Variants in MAPKAP1 observed in about 807,000 individuals in gnomAD.
The protein encoded by MAPKAP1 is MAPK associated protein 1, also known as target of rapamycin complex 2 subunit MAPKAP1.
In MAPKAP1, 20 loss-of-function variants were observed where a neutral mutation model predicts 65.7. That is an observed-to-expected ratio of 0.30 (90% confidence interval 0.21 to 0.44). MAPKAP1 has a LOEUF of 0.44. MAPKAP1 is among the 20% of genes least tolerant of loss of function. The pLI, the probability that MAPKAP1 is intolerant of heterozygous loss-of-function variation, is 1.00. For synonymous variants in MAPKAP1, 222 were observed against 244.3 expected, an observed-to-expected ratio of 0.91 and a Z score of 0.85; for missense variants, 423 against 648.0, an observed-to-expected ratio of 0.65 and a Z score of 3.77.
At chr9:125,503,842 G>T (rs913527323) in intron 8 of MAPKAP1, among the ~76,000 whole-genome samples, 1 of 143,042 alleles carries the variant, frequency 7.0e-6, no homozygotes, top group Non-Finnish European at 1.5e-5. Flanking sequence ...TCAGCCTCCC[G>T]AGTAGCTGGG....
intron 5 of MAPKAP1, among the ~76,000 whole-genome samples, chr9:125,584,501 C>T (rs1283048830): frequency 6.6e-6 from 1 of 152,228 alleles, no homozygotes; most frequent in Non-Finnish European, 1.5e-5. Context: ...TGCAGTGGCG[C>T]GATCTCGGTT....
chr9:125,698,305 ATATATATATATAT>A (rs1835478599), intron 1 of MAPKAP1, among the ~76,000 whole-genome samples: 2 of 30,180 alleles, frequency 6.6e-5, no homozygotes, highest in African/African-American at 1.3e-4. Context: ...ATATATATAT[ATATATATATATAT>A]ATATATATAT....
At chr9:125,611,368 T>C (rs545950089) in intron 4 of MAPKAP1, among the ~76,000 whole-genome samples, 6 of 151,936 alleles carry the variant, frequency 3.9e-5, no homozygotes, top group African/African-American at 1.2e-4. Context: ...GTTGAAGAAA[T>C]TACCTAGAAT....
chr9:125,513,894 C>T (rs145455051), intron 7 of MAPKAP1, among the ~76,000 whole-genome samples: 57 of 152,270 alleles, frequency 3.7e-4, no homozygotes, highest in Non-Finnish European at 5.6e-4. Context: ...AAGCTGCAGA[C>T]GGCATTTAAG....
chr9:125,588,509 A>C (rs183978701), intron 4 of MAPKAP1, among the ~76,000 whole-genome samples: 33 of 152,344 alleles, frequency 2.2e-4, no homozygotes, highest in Non-Finnish European at 3.4e-4. Flanking sequence ...ACAGAACCGT[A>C]CACTTTAAAA....
chr9:125,691,548 G>A (rs1481863777), intron 1 of MAPKAP1, among the ~76,000 whole-genome samples: 1 of 152,164 alleles, frequency 6.6e-6, no homozygotes, highest in Non-Finnish European at 1.5e-5. Flanking sequence ...ACATCAACAT[G>A]TAAGTGACAG....
chr9:125,521,724 G>C (rs1200048705), intron 7 of MAPKAP1: 2 of 1,612,632 alleles, frequency 1.2e-6, no homozygotes, highest in Admixed American at 3.3e-5. Flanking sequence ...CCTTAACACA[G>C]CCTTGACAGC....
intron 7 of MAPKAP1, among the ~76,000 whole-genome samples, chr9:125,535,056 T>C (rs1000135006): frequency 1.3e-5 from 2 of 152,186 alleles, no homozygotes; most frequent in African/African-American, 4.8e-5. Context: ...TCCCAGAACA[T>C]AAATGCACTT....
At chr9:125,577,989 A>AG (rs1387595573) in intron 5 of MAPKAP1, among the ~76,000 whole-genome samples, 2 of 151,920 alleles carry the variant, frequency 1.3e-5, no homozygotes, top group Non-Finnish European at 2.9e-5. Context: ...TGGAATAGAA[A>AG]GGGGGGAAAG....
intron 7 of MAPKAP1, among the ~76,000 whole-genome samples, chr9:125,534,739 C>T (rs1279743691): frequency 1.3e-5 from 2 of 151,838 alleles, no homozygotes; most frequent in Non-Finnish European, 2.9e-5. Context: ...AGCTTACATA[C>T]GGACATGACC....
chr9:125,479,678 TG>T (rs1417837124), intron 9 of MAPKAP1, among the ~76,000 whole-genome samples: 1 of 151,644 alleles, frequency 6.6e-6, no homozygotes, highest in Non-Finnish European at 1.5e-5. Flanking sequence ...CAGAAACAAC[TG>T]GAACAGAGGC....
At chr9:125,483,864 CATGATG>C (rs559571340) in intron 9 of MAPKAP1, among the ~76,000 whole-genome samples, 1 of 151,746 alleles carries the variant, frequency 6.6e-6, no homozygotes, top group Non-Finnish European at 1.5e-5. Context: ...AAAAGGCAGC[CATGATG>C]ATGATGATGA....
chr9:125,489,446 G>A (rs73591553), intron 8 of MAPKAP1, among the ~76,000 whole-genome samples: 2,278 of 152,208 alleles, frequency 0.015, 52 homozygotes, highest in African/African-American at 0.05. Context: ...GTGTCAAAAC[G>A]CTCAAGCTGC....
intron 1 of MAPKAP1, among the ~76,000 whole-genome samples, chr9:125,705,887 G>A (rs1835743021): frequency 6.6e-6 from 1 of 152,142 alleles, no homozygotes; most frequent in Non-Finnish European, 1.5e-5. Context: ...TCAGAGTAAT[G>A]GATCAGGATG....
At chr9:125,491,864 A>G (rs1854746640) in intron 8 of MAPKAP1, among the ~76,000 whole-genome samples, 1 of 152,134 alleles carries the variant, frequency 6.6e-6, no homozygotes, top group East Asian at 1.9e-4. Flanking sequence ...AAATATTTTA[A>G]AATTAATCAA....
intron 7 of MAPKAP1, among the ~76,000 whole-genome samples, chr9:125,537,147 G>T (rs1157127733): frequency 6.6e-6 from 1 of 152,152 alleles, no homozygotes. Context: ...AAAAGCCTGG[G>T]CTCCAATTTA....
At chr9:125,589,663 T>C (rs772841212) in intron 4 of MAPKAP1, among the ~76,000 whole-genome samples, 7 of 152,356 alleles carry the variant, frequency 4.6e-5, no homozygotes, top group Non-Finnish European at 7.4e-5. Context: ...AAGGAAATTA[T>C]AAAGTCAGTT....
At chr9:125,446,959 G>C (rs1012604411) in intron 10 of MAPKAP1, among the ~76,000 whole-genome samples, 7 of 152,170 alleles carry the variant, frequency 4.6e-5, no homozygotes, top group South Asian at 2.1e-4. Context: ...AAGAGCCCCA[G>C]AAAGGAAGCG....
At chr9:125,638,619 T>A (rs1480946402) in intron 4 of MAPKAP1, among the ~76,000 whole-genome samples, 1 of 152,198 alleles carries the variant, frequency 6.6e-6, no homozygotes, top group Non-Finnish European at 1.5e-5. Context: ...TCTGTACAAA[T>A]TACCTCGATC....
Sources: gnomAD v4.1 joint callset for allele counts (sites outside exome capture counted in the v4.1 genomes callset) on GRCh38, gnomAD v4.1.1 for gene constraint, MANE v1.5 for transcripts, NCBI Gene and HGNC (gene_info 2026-07-23, HGNC 2026-07-21) for gene names.